OCA2: variants seen among roughly 807,000 people sequenced by gnomAD.
OCA2 encodes the protein P protein.
In OCA2, 77 loss-of-function variants were observed where a neutral mutation model predicts 100.2. The observed-to-expected ratio is 0.77, with a 90% CI of 0.64 to 0.93. The LOEUF (loss-of-function observed/expected upper bound fraction) is 0.93, where lower values mean the gene tolerates loss of function less well. OCA2 is among the 40% of genes least tolerant of loss of function. The pLI is 0.00. For missense variants in OCA2, 1,062 were observed against 1,089.1 expected (o/e 0.98, Z 0.35); for synonymous variants, 432 against 439.2 (o/e 0.98, Z 0.21).
At chr15:28,036,184 T>C (rs1295209887) in intron 2 of OCA2, among the ~76,000 whole-genome samples, 1 of 152,216 alleles carries the variant, frequency 6.6e-6, no homozygotes, top group African/African-American at 2.4e-5. Flanking sequence ...ACCATCTGTC[T>C]GTTGATGGAA....
At chr15:28,003,630 CGTGAGCCGTGCGCAGGGCAGT>C (rs1303758241) in intron 9 of OCA2, among the ~76,000 whole-genome samples, 1 of 149,768 alleles carries the variant, frequency 6.7e-6, no homozygotes, top group Admixed American at 6.6e-5. Flanking sequence ...TGGTGCAGCG[CGTGAGCCGTGCGCAGGGCAGT>C]GTGCCCCCCG....
At position 27,974,768 on chromosome 15, in the gene OCA2, A is replaced by G. The variant is rs559867108; in HGVS notation, c.1504-7946T>C. On this transcript the variant is annotated intron_variant, in intron 14 of 23. Coordinates refer to ENST00000354638, the MANE Select transcript of OCA2 (RefSeq NM_000275.3). ...GGGCAATAGGGTGAGACTCCATTAC[A>G]GTTTAATTCCCAAATTCAGAGAAAG... 1.1e-4 allele frequency among the ~76,000 whole-genome samples: 17 copies of G among 152,332 alleles called. No homozygotes were observed. In the East Asian group the frequency reaches 3.3e-3, roughly 29 times the overall value.
At chr15:27,890,646 T>C (rs1312437161) in intron 19 of OCA2, among the ~76,000 whole-genome samples, 2 of 152,048 alleles carry the variant, frequency 1.3e-5, no homozygotes, top group Admixed American at 1.3e-4. Flanking sequence ...ATAAATACAC[T>C]CTCAGATAAA....
intron 9 of OCA2, among the ~76,000 whole-genome samples, chr15:28,001,903 T>C (rs1049806882): frequency 5.9e-5 from 9 of 152,164 alleles, no homozygotes; most frequent in African/African-American, 9.6e-5. Context: ...GGCTCTGCCA[T>C]TGGATTCCAG....
chr15:27,831,462 T>C (rs1445321084), intron 23 of OCA2, among the ~76,000 whole-genome samples: 1 of 152,156 alleles, frequency 6.6e-6, no homozygotes, highest in African/African-American at 2.4e-5. Context: ...TCTGCGGACC[T>C]GCCGCGCACG....
chr15:27,794,983 G>C (rs1416118760), intron 23 of OCA2, among the ~76,000 whole-genome samples: 1 of 152,176 alleles, frequency 6.6e-6, no homozygotes, highest in African/African-American at 2.4e-5. Flanking sequence ...AAAGACAGCA[G>C]GGCAGACCCT....
intron 6 of OCA2, among the ~76,000 whole-genome samples, chr15:28,020,624 A>G (rs957127283): frequency 2.6e-5 from 4 of 152,014 alleles, no homozygotes; most frequent in Admixed American, 2.6e-4. Context: ...TCGAGGCACA[A>G]GAATGAGAAA....
At chr15:28,044,576 T>C (rs2043294605) in intron 2 of OCA2, among the ~76,000 whole-genome samples, 1 of 152,242 alleles carries the variant, frequency 6.6e-6, no homozygotes, top group South Asian at 2.1e-4. Flanking sequence ...GTCATGGCTT[T>C]ACAGGATTTT....
At chr15:27,960,152 T>C (rs1051861859) in intron 15 of OCA2, among the ~76,000 whole-genome samples, 9 of 152,318 alleles carry the variant, frequency 5.9e-5, no homozygotes, top group Non-Finnish European at 1.2e-4. Flanking sequence ...CCATAAAGTT[T>C]CTCTCCTACC....
chr15:28,089,294 C>A (rs1595935807), intron 1 of OCA2, among the ~76,000 whole-genome samples: 1 of 152,272 alleles, frequency 6.6e-6, no homozygotes, highest in East Asian at 1.9e-4. Flanking sequence ...AGGTGACATT[C>A]ATCCTCAGCT....
In OCA2 at chr15:28,088,791, G is replaced by A. The variant is rs190082527; in HGVS notation, c.-21-6896C>T. 7.7e-4 allele frequency among the ~76,000 whole-genome samples: 118 copies of A among 152,318 alleles called. 2 individuals carry two copies. In the East Asian group the frequency reaches 8.1e-3, roughly 10 times the overall value. ...ATCACAAGGGAAATGGAGGCAGGGCGAGATCACAGGACCAGGGCAAAATTA... is the reference window on the plus strand; with the variant it reads ...ATCACAAGGGAAATGGAGGCAGGGCAAGATCACAGGACCAGGGCAAAATTA... On this transcript the variant is annotated intron_variant, in intron 1 of 23. Transcript: ENST00000354638.
At chr15:27,750,090 T>G (rs1389049794), downstream of OCA2, among the ~76,000 whole-genome samples, 2 of 152,152 alleles carry the variant, frequency 1.3e-5, no homozygotes, top group Non-Finnish European at 2.9e-5. Flanking sequence ...CCCACCCCTC[T>G]TTTCTCCACT....
chr15:27,757,418 C>T (rs2030470784), intron 23 of OCA2, among the ~76,000 whole-genome samples: 1 of 152,118 alleles, frequency 6.6e-6, no homozygotes, highest in South Asian at 2.1e-4. Context: ...GTCATGTTAC[C>T]CCTATTATAT....
chr15:27,753,346 A>G (rs527899778), downstream of OCA2, among the ~76,000 whole-genome samples: 12 of 151,624 alleles, frequency 7.9e-5, no homozygotes, highest in Non-Finnish European at 1.5e-4. Context: ...GGGGCAGAGA[A>G]ATCAGAACTG....
chr15:27,820,961 A>AAG (rs768804680), intron 23 of OCA2, among the ~76,000 whole-genome samples: 1 of 152,202 alleles, frequency 6.6e-6, no homozygotes, highest in African/African-American at 2.4e-5. Context: ...CGGGCAGCAC[A>AAG]AGAGAGAGAT....
Position 27,957,838 on chromosome 15 carries a change from C to T in OCA2, c.1637-103G>A. On this transcript the variant is annotated intron_variant, in intron 15 of 23. Coordinates refer to ENST00000354638, the MANE Select transcript of OCA2 (RefSeq NM_000275.3). The surrounding 1 kb of genome is among the most constrained non-coding windows in gnomAD (Gnocchi z 4.3). ...GTCGATGCCTGACAGAGCAGACACA[C>T]ACTCGAGACGTGCAGGTAGCCCAGG... is the stretch of plus-strand genomic sequence containing the variant. The T allele has an allele frequency of 7.1e-7, 1 of 1,404,750 alleles. No homozygotes were observed. The highest frequency in any genetic ancestry group is 9.9e-7 in the Non-Finnish European group (1 of 1,008,498). 87.0% of individuals were successfully genotyped at this position (1,404,750 alleles called of 1,614,324 possible).
intron 1 of OCA2, among the ~76,000 whole-genome samples, chr15:28,085,424 T>C (rs2044761107): frequency 2.6e-5 from 4 of 152,054 alleles, no homozygotes; most frequent in Admixed American, 2.6e-4. Flanking sequence ...CTCCCTCCCC[T>C]AATCTTCTAG....
At chr15:27,901,355 A>C (rs917413201) in intron 19 of OCA2, among the ~76,000 whole-genome samples, 1 of 152,124 alleles carries the variant, frequency 6.6e-6, no homozygotes, top group Non-Finnish European at 1.5e-5. Context: ...AATCCAGGTA[A>C]GTCTGGCCAA....
intron 2 of OCA2, among the ~76,000 whole-genome samples, chr15:28,078,902 G>A (rs564910672): frequency 6.6e-6 from 1 of 152,048 alleles, no homozygotes; most frequent in Non-Finnish European, 1.5e-5. Flanking sequence ...AGAAAATACC[G>A]AGTAACCAGT....
Sources: gnomAD v4.1 joint callset for allele counts (sites outside exome capture counted in the v4.1 genomes callset) on GRCh38, gnomAD v4.1.1 for gene constraint, Gnocchi (gnomAD v3.1) non-coding constraint, MANE v1.5 for transcripts, NCBI Gene and HGNC (gene_info 2026-07-23, HGNC 2026-07-21) for gene names.